The following KIAA0232 variants were observed in gnomAD, a reference collection of about 807,000 sequenced individuals.
KIAA0232 encodes uncharacterized protein KIAA0232.
A neutral mutation model predicts 122.0 loss-of-function variants in KIAA0232; 27 were observed. The observed-to-expected ratio is 0.22, with a 90% CI of 0.16 to 0.31. KIAA0232 has a LOEUF of 0.31. KIAA0232 is among the 10% of genes least tolerant of loss of function. The pLI is 1.00. For missense variants in KIAA0232, 1,551 were observed against 1,634.2 expected, an observed-to-expected ratio of 0.95 and a Z score of 0.88; for synonymous variants, 613 against 587.6, an observed-to-expected ratio of 1.04 and a Z score of -0.63.
intron 1 of KIAA0232, among the ~76,000 whole-genome samples, chr4:6,797,188 CTG>C (rs1410507949): frequency 6.6e-6 from 1 of 152,238 alleles, no homozygotes; most frequent in Non-Finnish European, 1.5e-5. Context: ...GAGATAGAAA[CTG>C]TCATGGAAAC....
intron 1 of KIAA0232, among the ~76,000 whole-genome samples, chr4:6,800,334 G>A (rs766645759): frequency 2.0e-5 from 3 of 149,914 alleles, no homozygotes; most frequent in Non-Finnish European, 4.4e-5. Flanking sequence ...CTGAGTCATC[G>A]TGCCTGGACT....
In KIAA0232 at chr4:6,880,811, T is replaced by G. The variant is rs1722032145; in HGVS notation, c.4033T>G (p.Cys1345Gly). 9 of 1,562,638 alleles carry G rather than the reference T, an allele frequency of 5.8e-6. No individual in the cohort carries two copies. The highest frequency in any genetic ancestry group is 3.6e-5 in the South Asian group (3 of 82,396). Reference protein sequence around the residue: ...NRVSSVYEARCTGERDSGAKS... With the variant: ...NRVSSVYEARGTGERDSGAKS... ...GGTGTCTTCTGTTTATGAAGCAAGA[T>G]GTACAGGAGAGAGAGATTCTGGAGC... Residue 1345 changes from cysteine to glycine, a missense_variant, in exon 10 of 10, where the codon TGT (cysteine) becomes GGT (glycine). This residue lies in a region of KIAA0232 where 1,108 missense variants were observed against 1,154.8 expected (regional missense o/e 0.96). Coordinates refer to ENST00000307659, the MANE Select transcript of KIAA0232 (RefSeq NM_014743.3).
chr4:6,840,676 A>G (rs1395807715), intron 3 of KIAA0232, among the ~76,000 whole-genome samples: 49 of 151,178 alleles, frequency 3.2e-4, no homozygotes, highest in Non-Finnish European at 7.4e-5. Flanking sequence ...GGACTGAGTA[A>G]CTATTTGACA....
rs748836261 is a variant in KIAA0232, at chr4:6,863,809, A to G, written c.3427A>G (p.Ile1143Val). 3.7e-6 allele frequency: 6 copies of G among 1,614,196 alleles called. No individual in the cohort carries two copies. Among genetic ancestry groups the G allele is most frequent in the Non-Finnish European group, 3.4e-6 (4 of 1,180,030 alleles). Reference sequence around the variant, plus strand: ...TATTCCCATTCCTTCTCAAGTTGATATATTTGAAGATCCGCAGGCAGATCT... The same window carrying G: ...TATTCCCATTCCTTCTCAAGTTGATGTATTTGAAGATCCGCAGGCAGATCT... ...ANIPIPSQVD[I>V]FEDPQADLKP... Residue 1143 changes from isoleucine to valine, a missense_variant, in exon 7 of 10, where the codon ATA becomes GTA. By Grantham distance (29) the Ile-to-Val change is conservative (BLOSUM62 3). This residue lies in a region of KIAA0232 where 1,108 missense variants were observed against 1,154.8 expected (regional missense o/e 0.96). Transcript: ENST00000307659.
At chr4:6,878,412 C>CATACATACATAA (rs1560214690) in intron 9 of KIAA0232, among the ~76,000 whole-genome samples, 9 of 149,862 alleles carry the variant, frequency 6.0e-5, no homozygotes, top group Non-Finnish European at 3.0e-5. Context: ...TACATACATA[C>CATACATACATAA]ATAAATATAT....
At position 6,860,882 on chromosome 4, in the gene KIAA0232, T is replaced by C; in HGVS notation, c.519-19T>C. On this transcript the variant is annotated intron_variant, in intron 6 of 9. Transcript: ENST00000307659. ...AAATCTGCATACTCGTGTTTTGAAG[T>C]CTTTACTCTGTTTTTCAGGTACTAT... 2 of 1,600,000 alleles carry C rather than the reference T, an allele frequency of 1.3e-6. No homozygotes were observed. Among genetic ancestry groups the C allele is most frequent in the Non-Finnish European group, 1.7e-6 (2 of 1,173,014 alleles).
At chr4:6,822,573 G>C (rs1451448709) in intron 2 of KIAA0232, among the ~76,000 whole-genome samples, 1 of 151,894 alleles carries the variant, frequency 6.6e-6, no homozygotes, top group Non-Finnish European at 1.5e-5. Flanking sequence ...CATTACATTA[G>C]TTTTCATTTT....
At chr4:6,830,656 C>G (rs1379471978) in intron 3 of KIAA0232, among the ~76,000 whole-genome samples, 1 of 152,110 alleles carries the variant, frequency 6.6e-6, no homozygotes, top group African/African-American at 2.4e-5. Flanking sequence ...ATCCACCCAC[C>G]TTGGCCTCCC....
intron 1 of KIAA0232, among the ~76,000 whole-genome samples, chr4:6,795,033 A>G (rs1307310203): frequency 6.6e-6 from 1 of 152,104 alleles, no homozygotes; most frequent in Non-Finnish European, 1.5e-5. Flanking sequence ...GGTAAGCCAG[A>G]TTGCGCAGTT....
Position 6,824,520 on chromosome 4 carries a change from G to T in KIAA0232, c.67G>T (p.Gly23Cys), listed in dbSNP as rs2109034481. ...TGAAAGCTCCTCAAGTTCTTATCCA[G>T]GCCCTGTGTCTGTTTCTGAAATGTC... ...PSESSSSSYP[G>C]PVSVSEMSLL... Residue 23 changes from glycine (G) to cysteine (C), a missense_variant, in exon 3 of 10, where the codon GGC (glycine) becomes TGC (cysteine). By Grantham distance (159) the Gly-to-Cys change is radical (BLOSUM62 -3). This residue lies in a region of KIAA0232 where 37 missense variants were observed against 28.5 expected (regional missense o/e 1.30). Transcript: ENST00000307659. 6.2e-7 allele frequency: 1 copy of T among 1,614,170 alleles called. No homozygotes were observed.
chr4:6,837,294 G>A (rs543663377), intron 3 of KIAA0232, among the ~76,000 whole-genome samples: 331 of 151,364 alleles, frequency 2.2e-3, no homozygotes, highest in Non-Finnish European at 4.0e-3. Context: ...GGGCAGAGAC[G>A]CTCCTCAGTT....
At chr4:6,789,964 G>C (rs1716815503) in intron 1 of KIAA0232, among the ~76,000 whole-genome samples, 1 of 152,086 alleles carries the variant, frequency 6.6e-6, no homozygotes, top group Non-Finnish European at 1.5e-5. Context: ...AGGAGATCAA[G>C]GCTGCAGTGA....
chr4:6,856,213 G>A (rs954740459), intron 4 of KIAA0232, among the ~76,000 whole-genome samples: 1 of 152,100 alleles, frequency 6.6e-6, no homozygotes, highest in Non-Finnish European at 1.5e-5. Flanking sequence ...TTTTTAGCCC[G>A]TCAAGGCCTA....
intron 4 of KIAA0232, among the ~76,000 whole-genome samples, chr4:6,851,722 T>TAA (rs74937263): frequency 0.34 from 33,205 of 96,916 alleles, 5,716 homozygotes; most frequent in Non-Finnish European, 0.47. Flanking sequence ...TCTCAAAAAT[T>TAA]AAAAAAAAAA....
chr4:6,819,062 A>G (rs537057284), intron 2 of KIAA0232, among the ~76,000 whole-genome samples: 3 of 152,328 alleles, frequency 2.0e-5, no homozygotes, highest in South Asian at 2.1e-4. Flanking sequence ...CTTTCAGCAT[A>G]TATAAAAATT....
chr4:6,813,402 G>T (rs1463589035), intron 2 of KIAA0232, among the ~76,000 whole-genome samples: 1 of 143,208 alleles, frequency 7.0e-6, no homozygotes, highest in Non-Finnish European at 1.5e-5. Context: ...TCGCTCTGTT[G>T]CCCAGGCTGG....
At position 6,861,733 on chromosome 4, in the gene KIAA0232, A is replaced by G. The variant is rs1192391574; in HGVS notation, c.1351A>G (p.Ser451Gly). Residue 451 changes from serine (S) to glycine (G), a missense_variant, in exon 7 of 10, where the codon AGC becomes GGC. By Grantham distance (56) the Ser-to-Gly change is moderately conservative (BLOSUM62 0). Transcript: ENST00000307659. ...TGAATCAGTGCATGGTCTTTGTATC[A>G]GCAACAATAATCTTCATAAAACATA... ...LSESVHGLCI[S>G]NNNLHKTYLA... 6.2e-7 allele frequency: 1 copy of G among 1,614,208 alleles called. No individual in the cohort carries two copies. Among genetic ancestry groups the G allele is most frequent in the Admixed American group, 1.7e-5 (1 of 60,024 alleles).
intron 9 of KIAA0232, among the ~76,000 whole-genome samples, chr4:6,878,235 C>T (rs549623341): frequency 6.6e-6 from 1 of 152,142 alleles, no homozygotes; most frequent in East Asian, 1.9e-4. Context: ...ATTAGCCGGG[C>T]GTGATGGTGC....
chr4:6,862,653 A>G lies in KIAA0232; in HGVS notation c.2271A>G (p.Glu757=). Residue 757 remains glutamate (E), a synonymous_variant, in exon 7 of 10, where the codon GAA becomes GAG. Coordinates refer to ENST00000307659, the MANE Select transcript of KIAA0232 (RefSeq NM_014743.3). ...TCTCGTCAAATTATGTAGATGAAGA[A>G]CTTCTAGATTTTTTGCAAGATGAAA... The part of the protein sequence containing the change: ...PRVSSNYVDE[E]LLDFLQDETC... 1 of 1,612,268 alleles carries G rather than the reference A, an allele frequency of 6.2e-7. No individual in the cohort carries two copies. The highest frequency in any genetic ancestry group is 1.1e-5 in the South Asian group (1 of 90,298).
Sources: gnomAD v4.1 joint callset for allele counts (sites outside exome capture counted in the v4.1 genomes callset) on GRCh38, gnomAD v4.1.1 for gene constraint, gnomAD v4.1.1 regional missense constraint, MANE v1.5 for transcripts, NCBI Gene and HGNC (gene_info 2026-07-23, HGNC 2026-07-21) for gene names.